TPRG1: variants seen among roughly 807,000 people sequenced by gnomAD.
TPRG1 encodes tumor protein p63 regulated 1.
TPRG1 carries 29 observed loss-of-function variants against 29.3 expected under a neutral mutation model. The observed-to-expected ratio is 0.99, with a 90% CI of 0.74 to 1.35. The LOEUF is 1.35. Ranked by LOEUF, TPRG1 falls within the 40% of genes most tolerant of loss-of-function variation. TPRG1 has a pLI of 0.00. For missense variants in TPRG1, 327 were observed against 335.0 expected (o/e 0.98, Z 0.19); for synonymous variants, 130 against 116.8 (o/e 1.11, Z -0.73).
At chr3:189,174,423 C>T (rs1472396088) in intron 1 of TPRG1, among the ~76,000 whole-genome samples, 2 of 152,166 alleles carry the variant, frequency 1.3e-5, no homozygotes, top group South Asian at 2.1e-4. Context: ...GTAGATAGAA[C>T]ATGTTTTCCC....
chr3:189,316,474 G>A (rs1200699852), intron 5 of TPRG1, among the ~76,000 whole-genome samples: 1 of 152,084 alleles, frequency 6.6e-6, no homozygotes, highest in Non-Finnish European at 1.5e-5. Context: ...TGAGGAATGT[G>A]GGCCTACAGG....
intron 4 of TPRG1, among the ~76,000 whole-genome samples, chr3:189,061,734 G>C (rs111264096): frequency 3.9e-5 from 6 of 152,138 alleles, no homozygotes; most frequent in Admixed American, 3.9e-4. Flanking sequence ...AAACCACAAC[G>C]AGATGCCATC....
intron 4 of TPRG1, among the ~76,000 whole-genome samples, chr3:189,275,333 A>G (rs181899507): frequency 9.8e-5 from 15 of 152,294 alleles, no homozygotes; most frequent in South Asian, 2.1e-4. Flanking sequence ...TAACTACTAC[A>G]TGCTCTAGTA....
At chr3:188,999,112 G>T (rs534208392) in intron 1 of TPRG1, among the ~76,000 whole-genome samples, 1 of 152,276 alleles carries the variant, frequency 6.6e-6, no homozygotes, top group South Asian at 2.1e-4. Context: ...AGGAGGTAAG[G>T]GTAAGGGTAG....
chr3:189,319,596 G>C lies in TPRG1; in HGVS notation c.634-1030G>C, dbSNP rs181426476. Among the ~76,000 whole-genome samples the C allele has an allele frequency of 1.5e-3, 225 of 152,044 alleles. 1 individual carries two copies. The highest frequency in any genetic ancestry group is 2.9e-3 in the Admixed American group (44 of 15,252). On this transcript the variant is annotated intron_variant, in intron 5 of 5. Transcript: ENST00000345063. ...CTGCTACACTGTCCAAGCCACCGTCGTATCTTGCCTGGACTCCTGAAGTGA... is the reference window on the plus strand; with the variant it reads ...CTGCTACACTGTCCAAGCCACCGTCCTATCTTGCCTGGACTCCTGAAGTGA...
At chr3:189,308,246 G>A (rs1721922155) in intron 4 of TPRG1, among the ~76,000 whole-genome samples, 1 of 152,188 alleles carries the variant, frequency 6.6e-6, no homozygotes, top group Non-Finnish European at 1.5e-5. Context: ...AATGTTAAGT[G>A]TCAAAACCGA....
intron 1 of TPRG1, among the ~76,000 whole-genome samples, chr3:189,173,984 C>G (rs1729162317): frequency 6.6e-6 from 1 of 152,158 alleles, no homozygotes; most frequent in South Asian, 2.1e-4. Flanking sequence ...GGAGCTGCTC[C>G]TTAGGTATAA....
At chr3:189,250,438 G>A (rs1321341212) in intron 4 of TPRG1, among the ~76,000 whole-genome samples, 1 of 141,722 alleles carries the variant, frequency 7.1e-6, no homozygotes, top group East Asian at 2.1e-4. Flanking sequence ...AGGTTCTAAT[G>A]ACATAACTTG....
At chr3:189,137,335 T>TGG (rs1371080357) in intron 3 of TPRG1, among the ~76,000 whole-genome samples, 1 of 151,496 alleles carries the variant, frequency 6.6e-6, no homozygotes, top group Non-Finnish European at 1.5e-5. Flanking sequence ...TGTGTGTGTG[T>TGG]GTGTGTGTGT....
intron 1 of TPRG1, among the ~76,000 whole-genome samples, chr3:189,102,723 C>T (rs189604566): frequency 5.3e-4 from 81 of 152,230 alleles, no homozygotes; most frequent in Non-Finnish European, 7.8e-4. Context: ...CATGGTTCCC[C>T]AAAGCTTTTA....
intron 4 of TPRG1, among the ~76,000 whole-genome samples, chr3:189,263,676 A>G (rs1363813414): frequency 6.6e-6 from 1 of 152,206 alleles, no homozygotes; most frequent in Non-Finnish European, 1.5e-5. Flanking sequence ...CTCTCAGGAT[A>G]ATTACTTATT....
At chr3:189,093,535 G>A (rs1482807551) in intron 4 of TPRG1, among the ~76,000 whole-genome samples, 7 of 152,236 alleles carry the variant, frequency 4.6e-5, no homozygotes, top group East Asian at 1.9e-4. Flanking sequence ...GTGGGCTCGC[G>A]GGGATTTTAT....
intron 4 of TPRG1, among the ~76,000 whole-genome samples, chr3:189,085,475 A>G (rs975095403): frequency 8.0e-6 from 1 of 125,676 alleles, no homozygotes; most frequent in African/African-American, 4.0e-5. Flanking sequence ...GTGTGTGTGT[A>G]TTATGGAGTT....
At chr3:189,078,443 C>T (rs1302079241) in intron 4 of TPRG1, among the ~76,000 whole-genome samples, 1 of 151,924 alleles carries the variant, frequency 6.6e-6, no homozygotes, top group Admixed American at 6.6e-5. Context: ...GGCCAAAAAC[C>T]CTTTTCTTAA....
intron 4 of TPRG1, among the ~76,000 whole-genome samples, chr3:189,239,719 A>G (rs1413795860): frequency 2.0e-5 from 3 of 152,186 alleles, no homozygotes; most frequent in Non-Finnish European, 4.4e-5. Context: ...AGCTCAGTGG[A>G]TAGAACCAAA....
intron 4 of TPRG1, among the ~76,000 whole-genome samples, chr3:189,244,134 T>TA (rs1234670245): frequency 2.6e-5 from 4 of 152,120 alleles, no homozygotes; most frequent in Middle Eastern, 3.4e-3. Flanking sequence ...GGTAATTTAT[T>TA]AAAAAAAGAG....
chr3:189,106,096 T>C (rs1719790106), intron 1 of TPRG1, among the ~76,000 whole-genome samples: 1 of 152,012 alleles, frequency 6.6e-6, no homozygotes, highest in African/African-American at 2.4e-5. Flanking sequence ...AAAGACACTG[T>C]TCTACCAGAA....
At chr3:189,158,903 A>G (rs1161593030) in intron 5 of TPRG1, among the ~76,000 whole-genome samples, 4 of 151,592 alleles carry the variant, frequency 2.6e-5, no homozygotes, top group Non-Finnish European at 5.9e-5. Flanking sequence ...TTTTCTATCC[A>G]AAGAGCTCAT....
In TPRG1 at chr3:189,026,830, C is replaced by T. The variant is rs576749585; in HGVS notation, c.-463+2884C>T. Among the ~76,000 whole-genome samples, 83 of 152,136 alleles carry T rather than the reference C, an allele frequency of 5.5e-4. No individual in the cohort carries two copies. The South Asian group carries it at 0.015, about 28-fold the overall frequency. The stretch of plus-strand genomic sequence containing the variant: ...CATTGGCGAAGGATGGATTGAAAGA[C>T]GAAGGAGTAAGATGGAGGCAAGGAG... On this transcript the variant is annotated intron_variant, in intron 4 of 10. Coordinates refer to the TPRG1 transcript ENST00000433971.
Sources: gnomAD v4.1 joint callset for allele counts (sites outside exome capture counted in the v4.1 genomes callset) on GRCh38, gnomAD v4.1.1 for gene constraint, MANE v1.5 for transcripts, NCBI Gene and HGNC (gene_info 2026-07-23, HGNC 2026-07-21) for gene names.